The following IST1 variants were observed in gnomAD, a reference collection of about 807,000 sequenced individuals.
IST1 encodes IST1 homolog.
A neutral mutation model predicts 37.0 loss-of-function variants in IST1; 23 were observed. The observed-to-expected ratio is 0.62, with a 90% CI of 0.45 to 0.88. The LOEUF (loss-of-function observed/expected upper bound fraction) is 0.88, where lower values mean the gene tolerates loss of function less well. IST1 is among the 40% of genes least tolerant of loss of function. The pLI is 0.00. For missense variants in IST1, 488 were observed against 445.4 expected (o/e 1.10, Z -0.86); for synonymous variants, 180 against 161.7 (o/e 1.11, Z -0.86).
rs2037686583 is a variant in IST1 at position 71,924,373 on chromosome 16, G to A, written c.853-396G>A. ...GCCTGTAATCCCAGCACTTTGGGAG[G>A]CTTAGGCAGGCGTTCGAGACCAGCC... On this transcript the variant is annotated intron_variant, in intron 8 of 9. Coordinates refer to ENST00000378799, the MANE Select transcript of IST1 (RefSeq NM_001270975.2). The A allele has an allele frequency of 1.3e-5, 5 of 373,874 alleles. No homozygotes were observed. In the Admixed American group the frequency reaches 1.5e-4, roughly 11 times the overall value. 23.2% of individuals were successfully genotyped at this position (373,874 alleles called of 1,614,324 possible).
At chr16:71,907,007 G>A (rs2037238668) in intron 1 of IST1, among the ~76,000 whole-genome samples, 2 of 152,138 alleles carry the variant, frequency 1.3e-5, no homozygotes, top group South Asian at 4.1e-4. Context: ...TCCAGCCTGG[G>A]TAACAGAGTG....
At chr16:71,923,249 G>A in intron 7 of IST1, 39 bp from the exon 8 acceptor site, 1 of 1,233,946 alleles carries the variant, frequency 8.1e-7, no homozygotes, top group East Asian at 2.4e-5. Context: ...ATTGCAAACT[G>A]GAGGCAGTGT....
At chr16:71,911,993 C>G (rs979116080) in intron 1 of IST1, among the ~76,000 whole-genome samples, 1 of 151,974 alleles carries the variant, frequency 6.6e-6, no homozygotes, top group Non-Finnish European at 1.5e-5. Context: ...GTGTGAGCCA[C>G]TACTCCCGGC....
At chr16:71,911,474 A>G (rs1043560329) in intron 1 of IST1, among the ~76,000 whole-genome samples, 2 of 152,124 alleles carry the variant, frequency 1.3e-5, no homozygotes, top group African/African-American at 4.8e-5. Flanking sequence ...CAGGGGTTGC[A>G]GTGAGCTAAG....
chr16:71,923,478 C>G, intron 8 of IST1, 98 bp downstream of exon 8: 1 of 668,330 alleles, frequency 1.5e-6, no homozygotes, highest in Non-Finnish European at 2.6e-6. Flanking sequence ...TTGATCAACT[C>G]CTAGTACTGT....
chr16:71,925,889 G>A (rs934651771), intron 9 of IST1, among the ~76,000 whole-genome samples: 2 of 152,128 alleles, frequency 1.3e-5, no homozygotes, highest in South Asian at 2.1e-4. Flanking sequence ...TACAGTGAGT[G>A]ATCATTGTAC....
chr16:71,923,714 G>T (rs2037667282), intron 8 of IST1, among the ~76,000 whole-genome samples: 1 of 152,136 alleles, frequency 6.6e-6, no homozygotes, highest in Non-Finnish European at 1.5e-5. Context: ...TACAATCGTG[G>T]TGCTAAAGTA....
chr16:71,911,047 G>A (rs865984333), intron 1 of IST1, among the ~76,000 whole-genome samples: 9 of 151,946 alleles, frequency 5.9e-5, no homozygotes, highest in Middle Eastern at 6.8e-3. Flanking sequence ...CAAGACCAGC[G>A]TGTCCAACAT....
At chr16:71,924,385 G>T in intron 8 of IST1, 1 of 377,840 alleles carries the variant, frequency 2.6e-6, no homozygotes, top group Non-Finnish European at 5.1e-6. Context: ...TTAGGCAGGC[G>T]TTCGAGACCA....
intron 9 of IST1, 97 bp from the exon 10 acceptor site, chr16:71,927,517 G>A (rs2037773743): frequency 1.1e-6 from 1 of 890,962 alleles, no homozygotes; most frequent in South Asian, 1.5e-5. Flanking sequence ...GTGAACTAAG[G>A]TTTTCTCCTG....
chr16:71,917,349 T>G (rs1300945697), intron 4 of IST1, among the ~76,000 whole-genome samples: 1 of 152,182 alleles, frequency 6.6e-6, no homozygotes, highest in South Asian at 2.1e-4. Context: ...AGGAGCAAAG[T>G]TTTGTGTATC....
chr16:71,920,620 G>A, intron 4 of IST1, 119 bp from the exon 5 acceptor site: 1 of 666,232 alleles, frequency 1.5e-6, no homozygotes, highest in African/African-American at 1.8e-5. Context: ...TTAAGGTTTT[G>A]CAGACTCCAG....
intron 4 of IST1, 25 bp downstream of exon 4, chr16:71,917,159 G>A: frequency 7.3e-7 from 1 of 1,371,616 alleles, no homozygotes; most frequent in Middle Eastern, 1.8e-4. Context: ...TTTCAGTGAT[G>A]TCTGTAGCTT....
At position 71,920,828 on chromosome 16, in the gene IST1, G is replaced by A. The variant is rs781086954; in HGVS notation, c.441+6G>A. ...TTGGAACTGTGAATGACAGGGTAAT[G>A]AACATACTTGGTAAACATGAAGGCA... is the stretch of plus-strand genomic sequence containing the variant. On this transcript the variant is annotated splice_donor_region_variant and intron_variant, in intron 5 of 9. Coordinates refer to ENST00000378799, the MANE Select transcript of IST1 (RefSeq NM_001270975.2). 6.3e-7 allele frequency: 1 copy of A among 1,598,818 alleles called. No individual in the cohort carries two copies. Among genetic ancestry groups the A allele is most frequent in the Non-Finnish European group, 8.6e-7 (1 of 1,166,118 alleles).
chr16:71,897,172 C>CTTTT, intron 1 of IST1, among the ~76,000 whole-genome samples: 1 of 65,532 alleles, frequency 1.5e-5, no homozygotes, highest in Non-Finnish European at 2.8e-5. Context: ...CCACGCCTGG[C>CTTTT]TTTTTTTTTT....
intron 9 of IST1, among the ~76,000 whole-genome samples, chr16:71,927,323 T>C (rs191235118): frequency 5.5e-4 from 83 of 152,084 alleles, no homozygotes; most frequent in Non-Finnish European, 1.1e-3. Context: ...ACCCTCTCTC[T>C]ACTAAAAATA....
chr16:71,897,920 G>A (rs1168728943), intron 1 of IST1, among the ~76,000 whole-genome samples: 2 of 152,222 alleles, frequency 1.3e-5, no homozygotes, highest in Non-Finnish European at 2.9e-5. Context: ...CTGCACTCCA[G>A]CCTGGGCGAC....
At chr16:71,914,812 A>G (rs2037433820) in intron 1 of IST1, among the ~76,000 whole-genome samples, 1 of 152,268 alleles carries the variant, frequency 6.6e-6, no homozygotes, top group Non-Finnish European at 1.5e-5. Context: ...TGGATATTAC[A>G]TGTTTTTAAG....
intron 1 of IST1, among the ~76,000 whole-genome samples, chr16:71,901,468 C>T (rs2037107427): frequency 6.6e-6 from 1 of 152,210 alleles, no homozygotes; most frequent in African/African-American, 2.4e-5. Flanking sequence ...CCACCTCGGC[C>T]TCCCAAAGTG....
Sources: gnomAD v4.1 joint callset for allele counts (sites outside exome capture counted in the v4.1 genomes callset) on GRCh38, gnomAD v4.1.1 for gene constraint, MANE v1.5 for transcripts, NCBI Gene and HGNC (gene_info 2026-07-23, HGNC 2026-07-21) for gene names.